The following ATF7IP variants were observed in gnomAD, a reference collection of about 807,000 sequenced individuals.
ATF7IP encodes activating transcription factor 7-interacting protein 1.
In ATF7IP, 23 loss-of-function variants were observed where a neutral mutation model predicts 106.4. The observed-to-expected ratio is 0.22, with a 90% CI of 0.16 to 0.31. The LOEUF is 0.31. Among genes scored for constraint, ATF7IP ranks in the 10% least tolerant of loss-of-function variants. The probability of loss-of-function intolerance (pLI) is 1.00; values close to 1 mark genes in which losing one functional copy is unlikely to be tolerated. For missense variants in ATF7IP, 1,334 were observed against 1,524.3 expected, an observed-to-expected ratio of 0.88 and a Z score of 2.08; for synonymous variants, 542 against 539.0, an observed-to-expected ratio of 1.01 and a Z score of -0.08.
chr12:14,371,449 G>A (rs1015118597), intron 1 of ATF7IP, among the ~76,000 whole-genome samples: 7 of 151,866 alleles, frequency 4.6e-5, no homozygotes, highest in South Asian at 2.1e-4. Flanking sequence ...TTACTTTTTT[G>A]TGAAAGTTGA....
intron 1 of ATF7IP, among the ~76,000 whole-genome samples, chr12:14,366,208 C>T (rs1036286453): frequency 1.3e-5 from 2 of 152,200 alleles, no homozygotes; most frequent in South Asian, 2.1e-4. Context: ...AAGCTCTTCT[C>T]TGTTTTTTCG....
chr12:14,424,704 ACTGGCCTCTGATGAT>A lies in ATF7IP; in HGVS notation c.796_810del (p.Ser266_Ala270del), dbSNP rs1166209758. 1 of 1,614,068 alleles carries A rather than the reference ACTGGCCTCTGATGAT, an allele frequency of 6.2e-7. No homozygotes were observed. Among genetic ancestry groups the A allele is most frequent in the Non-Finnish European group, 8.5e-7 (1 of 1,180,002 alleles). ...CCTCTGGTGATCTATCCTCTAGTGA[ACTGGCCTCTGATGAT>A]CTGGCCACTGGTGAACTGGCCTCTG... On this transcript the variant is annotated inframe_deletion, in exon 2 of 15. Coordinates refer to ENST00000261168, the MANE Select transcript of ATF7IP (RefSeq NM_018179.5).
intron 1 of ATF7IP, among the ~76,000 whole-genome samples, chr12:14,393,506 A>T (rs750511208): frequency 6.6e-6 from 1 of 151,702 alleles, no homozygotes; most frequent in Non-Finnish European, 1.5e-5. Flanking sequence ...TTTATCATTG[A>T]TAACCTAGAT....
intron 11 of ATF7IP, chr12:14,476,223 G>C: frequency 2.2e-5 from 7 of 313,844 alleles, no homozygotes; most frequent in South Asian, 4.2e-5. Flanking sequence ...ACCAGCCCGG[G>C]CAATGCGGTG....
intron 9 of ATF7IP, among the ~76,000 whole-genome samples, chr12:14,463,211 T>C (rs1390882497): frequency 6.6e-6 from 1 of 152,166 alleles, no homozygotes; most frequent in Non-Finnish European, 1.5e-5. Flanking sequence ...CTAAGCTCTA[T>C]ACTTATGTGG....
intron 13 of ATF7IP, among the ~76,000 whole-genome samples, chr12:14,494,333 A>ATGTGTGTGTGTGTGTG (rs1210425478): frequency 9.3e-5 from 8 of 86,012 alleles, no homozygotes; most frequent in African/African-American, 3.6e-4. Flanking sequence ...ATATATATAT[A>ATGTGTGTGTGTGTGTG]TGTGTGTGTG....
chr12:14,478,659 A>T (rs562055965), intron 12 of ATF7IP, among the ~76,000 whole-genome samples, 187 bp downstream of exon 12: 1 of 152,322 alleles, frequency 6.6e-6, no homozygotes, highest in African/African-American at 2.4e-5. Flanking sequence ...GGCACTGGTA[A>T]AGAATGATTT....
chr12:14,426,823 C>T (rs1376075892), intron 2 of ATF7IP, among the ~76,000 whole-genome samples: 4 of 16,022 alleles, frequency 2.5e-4, no homozygotes, highest in African/African-American at 1.2e-3. Flanking sequence ...GACCCTGCCT[C>T]AAAAAAAAAA....
At chr12:14,373,535 T>C (rs190205762) in intron 1 of ATF7IP, among the ~76,000 whole-genome samples, 2 of 152,202 alleles carry the variant, frequency 1.3e-5, no homozygotes, top group African/African-American at 4.8e-5. Context: ...CATTTAGTCA[T>C]TGGGACATAT....
chr12:14,384,906 C>CT (rs372885591), intron 1 of ATF7IP, among the ~76,000 whole-genome samples: 1,706 of 133,242 alleles, frequency 0.013, 22 homozygotes, highest in African/African-American at 0.033. Context: ...CAAGGTTTAA[C>CT]TTTTTTTTTT....
rs1490564109 is a variant in ATF7IP at position 14,501,185 on chromosome 12, T to C, written c.*3112T>C. 6.6e-6 allele frequency: 1 copy of C among 152,220 alleles called. No homozygotes were observed. Among genetic ancestry groups the C allele is most frequent in the Non-Finnish European group, 1.5e-5 (1 of 68,026 alleles). 9.4% of individuals were successfully genotyped at this position (152,220 alleles called of 1,614,324 possible). On this transcript the variant is annotated 3_prime_UTR_variant, in exon 15 of 15. Coordinates refer to ENST00000261168, the MANE Select transcript of ATF7IP (RefSeq NM_018179.5). ...TCTAGTAGCAGTTTCCACTCCACGG[T>C]TACCTTTTTAGTTTCATAGTATCTT... is the stretch of plus-strand genomic sequence containing the variant.
At chr12:14,414,215 G>A (rs543531921) in intron 1 of ATF7IP, among the ~76,000 whole-genome samples, 34 of 152,154 alleles carry the variant, frequency 2.2e-4, no homozygotes, top group Non-Finnish European at 4.4e-4. Context: ...TACAGCAAGA[G>A]GATTATATGT....
intron 13 of ATF7IP, chr12:14,481,543 A>G (rs1414121778): frequency 1.0e-5 from 4 of 393,652 alleles, no homozygotes; most frequent in Non-Finnish European, 1.9e-5. Context: ...CAATTAAAAA[A>G]TAGTTTTCAA....
intron 9 of ATF7IP, among the ~76,000 whole-genome samples, chr12:14,463,010 CTT>C (rs1249708543): frequency 1.3e-5 from 2 of 151,756 alleles, no homozygotes; most frequent in Admixed American, 6.6e-5. Context: ...TCATTTCTGA[CTT>C]TATTAATAAA....
chr12:14,498,169 G>C lies in ATF7IP; in HGVS notation c.*96G>C. On this transcript the variant is annotated 3_prime_UTR_variant, in exon 15 of 15. Coordinates refer to ENST00000261168, the MANE Select transcript of ATF7IP (RefSeq NM_018179.5). ...ATACCCCATGTAAAATCCACCTTGT[G>C]CAAGATTTCTTGGACAGATGTGTGT... The C allele has an allele frequency of 1.6e-6, 2 of 1,231,998 alleles. No homozygotes were observed. The highest frequency in any genetic ancestry group is 2.3e-6 in the Non-Finnish European group (2 of 887,386). The allele number at this position is 1,231,998 out of a possible 1,614,324, so 76.3% of individuals were successfully genotyped here. A position where few individuals can be genotyped will look rare whatever the true frequency, so the allele number is the denominator to read the frequency against.
intron 1 of ATF7IP, chr12:14,423,682 T>G (rs1941667357): frequency 3.3e-6 from 1 of 303,086 alleles, no homozygotes; most frequent in African/African-American, 2.3e-5. Flanking sequence ...CTTTTCCCCC[T>G]AATACTTTCT....
intron 1 of ATF7IP, among the ~76,000 whole-genome samples, chr12:14,391,752 G>C (rs1325469948): frequency 1.3e-5 from 2 of 152,112 alleles, no homozygotes; most frequent in East Asian, 3.9e-4. Flanking sequence ...ACAGAGTTTT[G>C]CTCTTGTTGC....
intron 3 of ATF7IP, among the ~76,000 whole-genome samples, chr12:14,434,759 T>C (rs1210224937): frequency 6.6e-6 from 1 of 152,202 alleles, no homozygotes; most frequent in African/African-American, 2.4e-5. Flanking sequence ...CGTAAGTGAA[T>C]GGAAGGATGT....
intron 6 of ATF7IP, among the ~76,000 whole-genome samples, chr12:14,454,753 A>G (rs765402888): frequency 2.6e-5 from 4 of 152,202 alleles, no homozygotes; most frequent in Non-Finnish European, 5.9e-5. Context: ...GTTGCTGATC[A>G]TACCACAGTT....
Sources: gnomAD v4.1 joint callset for allele counts (sites outside exome capture counted in the v4.1 genomes callset) on GRCh38, gnomAD v4.1.1 for gene constraint, MANE v1.5 for transcripts, NCBI Gene and HGNC (gene_info 2026-07-23, HGNC 2026-07-21) for gene names.